Variants in KIFAP3 observed in about 807,000 individuals in gnomAD.
The protein encoded by KIFAP3 is kinesin associated protein 3.
A neutral mutation model predicts 106.5 loss-of-function variants in KIFAP3; 68 were observed. The ratio of observed to expected loss-of-function variants is 0.64; its 90% CI spans 0.53 to 0.78. KIFAP3 has a LOEUF of 0.78. Among genes scored for constraint, KIFAP3 ranks in the 30% least tolerant of loss-of-function variants. KIFAP3 has a pLI of 0.00. For missense variants in KIFAP3, 780 were observed against 941.8 expected (o/e 0.83, Z 2.25); for synonymous variants, 320 against 311.5 (o/e 1.03, Z -0.29).
chr1:170,041,661 G>T (rs1210321994), intron 3 of KIFAP3: 2 of 1,529,344 alleles, frequency 1.3e-6, no homozygotes, highest in African/African-American at 1.4e-5. Flanking sequence ...TCCCTTGCCA[G>T]CAAGGCATTA....
At chr1:170,029,615 A>C (rs547584598) in intron 8 of KIFAP3, among the ~76,000 whole-genome samples, 25 of 150,736 alleles carry the variant, frequency 1.7e-4, no homozygotes, top group South Asian at 1.0e-3. Context: ...ACAACAACAA[A>C]AAATAAGAGT....
At chr1:170,024,001 A>G (rs1668985318) in intron 9 of KIFAP3, 1 of 152,620 alleles carries the variant, frequency 6.6e-6, no homozygotes, top group Admixed American at 6.5e-5. Context: ...AACAAAGAAG[A>G]ATTGTAGGTA....
chr1:170,072,286 TG>T (rs1278365790), intron 1 of KIFAP3, among the ~76,000 whole-genome samples: 13 of 152,320 alleles, frequency 8.5e-5, no homozygotes, highest in African/African-American at 3.1e-4. Flanking sequence ...TGCTGAGTGC[TG>T]GGAATACAAT....
In KIFAP3 at chr1:170,074,450, G is replaced by A; in HGVS notation, c.18C>T (p.Ala6=). The change falls in exon 1 of 20, where the codon GCC becomes GCT. Residue 6 remains alanine (A), a synonymous_variant. Transcript: ENST00000361580. MQGED[A]RYLKRKVKGG... ...GGAGTCGTCACCTTTTGAGGTATCTGGCGTCCTCCCCTTGCATGGCGGCAG... is the reference window on the plus strand; with the variant it reads ...GGAGTCGTCACCTTTTGAGGTATCTAGCGTCCTCCCCTTGCATGGCGGCAG... 1.5e-5 allele frequency: 24 copies of A among 1,614,128 alleles called. No homozygotes were observed. The highest frequency in any genetic ancestry group is 1.9e-5 in the Non-Finnish European group (22 of 1,179,994).
At chr1:169,944,264 G>A (rs1664303401) in intron 19 of KIFAP3, among the ~76,000 whole-genome samples, 1 of 152,206 alleles carries the variant, frequency 6.6e-6, no homozygotes, top group African/African-American at 2.4e-5. Context: ...ATGGCAGGGT[G>A]GTTAGCTCCA....
chr1:169,995,123 T>C (rs1227351084), intron 10 of KIFAP3, among the ~76,000 whole-genome samples: 1 of 152,140 alleles, frequency 6.6e-6, no homozygotes, highest in Non-Finnish European at 1.5e-5. Context: ...TCAATTTTAA[T>C]GTTAGATTTT....
chr1:169,970,109 C>T (rs1665827942), intron 17 of KIFAP3, among the ~76,000 whole-genome samples: 1 of 151,956 alleles, frequency 6.6e-6, no homozygotes, highest in African/African-American at 2.4e-5. Flanking sequence ...TCATGATTCC[C>T]ATGATTGCCT....
At chr1:169,924,794 A>C (rs1351252918) in intron 19 of KIFAP3, among the ~76,000 whole-genome samples, 1 of 152,218 alleles carries the variant, frequency 6.6e-6, no homozygotes, top group Non-Finnish European at 1.5e-5. Context: ...TCCTTTAAAC[A>C]GAAGCAGATA....
intron 1 of KIFAP3, among the ~76,000 whole-genome samples, chr1:170,073,327 T>C (rs1165146645): frequency 6.6e-6 from 1 of 152,176 alleles, no homozygotes; most frequent in Non-Finnish European, 1.5e-5. Flanking sequence ...AAAAAGACAG[T>C]CAATATATGC....
intron 16 of KIFAP3, among the ~76,000 whole-genome samples, chr1:169,976,467 C>A (rs965426235): frequency 6.6e-6 from 1 of 151,816 alleles, no homozygotes; most frequent in Non-Finnish European, 1.5e-5. Flanking sequence ...TACTTATGTT[C>A]CATGGAATAC....
chr1:170,052,423 G>A (rs979979318), intron 2 of KIFAP3, among the ~76,000 whole-genome samples: 1 of 152,160 alleles, frequency 6.6e-6, no homozygotes, highest in Non-Finnish European at 1.5e-5. Flanking sequence ...ACAAAGAGGA[G>A]TGGGTACCAT....
intron 1 of KIFAP3, among the ~76,000 whole-genome samples, chr1:170,081,949 T>C (rs2102195133): frequency 6.6e-6 from 1 of 152,136 alleles, no homozygotes; most frequent in East Asian, 1.9e-4. Flanking sequence ...CAATACCAAT[T>C]GGTGGTAAGA....
chr1:170,048,082 C>T (rs562824095), intron 2 of KIFAP3, among the ~76,000 whole-genome samples: 9 of 152,112 alleles, frequency 5.9e-5, no homozygotes, highest in Non-Finnish European at 1.3e-4. Context: ...GCTTATTATC[C>T]ATATGTAGAT....
In KIFAP3 at chr1:169,921,737, C is replaced by G; in HGVS notation, c.2318G>C (p.Arg773Pro). ...GFGQPVGILG[R>P]PATAYGFRPD... ...GCGGAATCCATATGCTGTGGCAGGG[C>G]GTCCAAGAATGCCAACTGGTTGGCC... Residue 773 changes from arginine to proline, a missense_variant, in exon 20 of 20, where the codon CGC (arginine) becomes CCC (proline). Transcript: ENST00000361580. 6.2e-7 allele frequency: 1 copy of G among 1,613,766 alleles called. No individual in the cohort carries two copies. The highest frequency in any genetic ancestry group is 1.3e-5 in the African/African-American group (1 of 74,990).
chr1:170,032,831 C>T (rs1376398565), intron 7 of KIFAP3, among the ~76,000 whole-genome samples: 1 of 151,538 alleles, frequency 6.6e-6, no homozygotes, highest in Non-Finnish European at 1.5e-5. Flanking sequence ...TCTTATAATC[C>T]CTGATGTGTC....
At chr1:169,993,820 G>C (rs1214278742) in intron 10 of KIFAP3, among the ~76,000 whole-genome samples, 1 of 152,306 alleles carries the variant, frequency 6.6e-6, no homozygotes, top group Non-Finnish European at 1.5e-5. Flanking sequence ...AGGAGGTGGA[G>C]GTTGCAGTGA....
chr1:169,979,291 C>T (rs1666384553), intron 15 of KIFAP3, among the ~76,000 whole-genome samples: 1 of 152,092 alleles, frequency 6.6e-6, no homozygotes, highest in Non-Finnish European at 1.5e-5. Context: ...CTTAGTCTTT[C>T]TTTTAATTAT....
intron 19 of KIFAP3, among the ~76,000 whole-genome samples, chr1:169,945,828 TTTCAG>T (rs1664413601): frequency 6.6e-6 from 1 of 152,210 alleles, no homozygotes; most frequent in South Asian, 2.1e-4. Flanking sequence ...TATGTCTATA[TTTCAG>T]TTAAGTTTAC....
At chr1:170,065,263 G>C (rs1671376532) in intron 1 of KIFAP3, among the ~76,000 whole-genome samples, 1 of 152,126 alleles carries the variant, frequency 6.6e-6, no homozygotes, top group African/African-American at 2.4e-5. Context: ...ATACTTAAAA[G>C]TATATTTTTT....
Sources: gnomAD v4.1 joint callset for allele counts (sites outside exome capture counted in the v4.1 genomes callset) on GRCh38, gnomAD v4.1.1 for gene constraint, MANE v1.5 for transcripts, NCBI Gene and HGNC (gene_info 2026-07-23, HGNC 2026-07-21) for gene names.